Variants in CDYL2 observed in about 807,000 individuals in gnomAD.
The protein encoded by CDYL2 is chromodomain Y like 2, also known as chromodomain Y-like protein 2.
In CDYL2, 23 loss-of-function variants were observed where a neutral mutation model predicts 49.4. The ratio of observed to expected loss-of-function variants is 0.47; its 90% CI spans 0.34 to 0.66. The LOEUF is 0.66. CDYL2 is among the 30% of genes least tolerant of loss of function. CDYL2 has a pLI of 0.01. For missense variants in CDYL2, 678 were observed against 656.4 expected, an observed-to-expected ratio of 1.03 and a Z score of -0.36; for synonymous variants, 360 against 268.8, an observed-to-expected ratio of 1.34 and a Z score of -3.32.
In CDYL2 at chr16:80,769,781, G is replaced by A. The variant is rs183651436; in HGVS notation, c.24+34369C>T. Among the ~76,000 whole-genome samples, 1,303 of 152,246 alleles carry A rather than the reference G, an allele frequency of 8.6e-3. 6 individuals carry two copies. The highest frequency in any genetic ancestry group is 0.014 in the Non-Finnish European group (974 of 68,026). On this transcript the variant is annotated intron_variant, in intron 1 of 6. Transcript: ENST00000570137. Reference sequence around the variant, plus strand: ...TAACAATAATAAGGTATTTGCATAGGTGAAATTAAAGAGATTAAACTGAAA... The same window carrying A: ...TAACAATAATAAGGTATTTGCATAGATGAAATTAAAGAGATTAAACTGAAA...
chr16:80,723,060 C>A (rs570604991), intron 1 of CDYL2, among the ~76,000 whole-genome samples: 1 of 152,354 alleles, frequency 6.6e-6, no homozygotes, highest in African/African-American at 2.4e-5. Flanking sequence ...CCACACTCGG[C>A]AGGGCGCTTT....
At chr16:80,606,462 C>A (rs996756159) in intron 6 of CDYL2, among the ~76,000 whole-genome samples, 1 of 152,148 alleles carries the variant, frequency 6.6e-6, no homozygotes, top group African/African-American at 2.4e-5. Context: ...AGTCTCCCAC[C>A]CTCCTTTTCA....
At chr16:80,620,629 T>G (rs4888101) in intron 4 of CDYL2, 134 bp downstream of exon 4, 179,403 of 677,418 alleles carry the variant, frequency 0.26, 25,448 homozygotes, top group Admixed American at 0.42. Context: ...AGACCTCGAG[T>G]ATTGCACAGG....
intron 2 of CDYL2, among the ~76,000 whole-genome samples, chr16:80,641,452 A>G (rs1908081799): frequency 6.6e-6 from 1 of 152,154 alleles, no homozygotes; most frequent in Admixed American, 6.5e-5. Context: ...AAGCTGAGAA[A>G]TTTTATCAAC....
At chr16:80,756,578 G>A (rs2142377799) in intron 1 of CDYL2, among the ~76,000 whole-genome samples, 1 of 152,090 alleles carries the variant, frequency 6.6e-6, no homozygotes, top group East Asian at 1.9e-4. Context: ...TGAAAAGGCT[G>A]TTAAGAATGA....
At chr16:80,667,235 T>C (rs956090696) in intron 2 of CDYL2, among the ~76,000 whole-genome samples, 3 of 152,070 alleles carry the variant, frequency 2.0e-5, no homozygotes, top group African/African-American at 7.2e-5. Flanking sequence ...TGGGCTTCCA[T>C]CTATCTGGTT....
At chr16:80,727,638 G>A (rs1259962940) in intron 1 of CDYL2, among the ~76,000 whole-genome samples, 2 of 152,230 alleles carry the variant, frequency 1.3e-5, no homozygotes, top group Non-Finnish European at 2.9e-5. Flanking sequence ...CTCCACCTCT[G>A]GGGGCAGGGC....
intron 2 of CDYL2, among the ~76,000 whole-genome samples, chr16:80,677,987 C>A (rs1371651925): frequency 2.0e-5 from 3 of 151,698 alleles, no homozygotes; most frequent in Non-Finnish European, 4.4e-5. Flanking sequence ...CTTTGACAAA[C>A]CTGAGAAAAA....
At chr16:80,794,496 A>C (rs1444371339) in intron 1 of CDYL2, among the ~76,000 whole-genome samples, 2 of 152,094 alleles carry the variant, frequency 1.3e-5, no homozygotes, top group Admixed American at 6.5e-5. Flanking sequence ...AGGAACTGAC[A>C]TGGCTGCACC....
chr16:80,638,681 G>A (rs13330445), intron 2 of CDYL2, among the ~76,000 whole-genome samples: 8,592 of 151,940 alleles, frequency 0.057, 756 homozygotes, highest in African/African-American at 0.19. Flanking sequence ...GCAATATACC[G>A]AGGTGATCTT....
chr16:80,724,506 G>A (rs1335696142), intron 1 of CDYL2, among the ~76,000 whole-genome samples: 3 of 152,136 alleles, frequency 2.0e-5, no homozygotes. Flanking sequence ...CCTTGTCATA[G>A]TTCATGAAGA....
chr16:80,733,613 T>C (rs1905411200), intron 1 of CDYL2, among the ~76,000 whole-genome samples: 1 of 152,160 alleles, frequency 6.6e-6, no homozygotes, highest in Admixed American at 6.5e-5. Flanking sequence ...ATGAAGTATC[T>C]TGGATGTGCC....
intron 1 of CDYL2, among the ~76,000 whole-genome samples, chr16:80,786,408 A>G (rs551276525): frequency 2.0e-4 from 30 of 152,336 alleles, no homozygotes; most frequent in Admixed American, 3.3e-4. Context: ...TCAAAACCAC[A>G]ATGAGATACC....
At chr16:80,660,950 G>A (rs527400154) in intron 2 of CDYL2, among the ~76,000 whole-genome samples, 2 of 152,194 alleles carry the variant, frequency 1.3e-5, no homozygotes, top group African/African-American at 4.8e-5. Context: ...CTGCCCCTGA[G>A]CTAGGGGTAA....
chr16:80,702,874 T>G (rs183599529), intron 1 of CDYL2, among the ~76,000 whole-genome samples: 104 of 152,262 alleles, frequency 6.8e-4, no homozygotes, highest in African/African-American at 2.5e-3. Flanking sequence ...GGACTTTCCA[T>G]CCCAGCTGCA....
At chr16:80,711,998 T>C (rs1292066782) in intron 1 of CDYL2, among the ~76,000 whole-genome samples, 1 of 150,110 alleles carries the variant, frequency 6.7e-6, no homozygotes, top group African/African-American at 2.5e-5. Flanking sequence ...TATGTATATA[T>C]ATGTGTGTAT....
chr16:80,611,457 G>C (rs1177677785), intron 5 of CDYL2, among the ~76,000 whole-genome samples: 2 of 152,108 alleles, frequency 1.3e-5, no homozygotes, highest in African/African-American at 2.4e-5. Context: ...AGTCCACAGG[G>C]GAGGAGCCGT....
chr16:80,753,187 C>G (rs184420195), intron 1 of CDYL2, among the ~76,000 whole-genome samples: 36 of 150,634 alleles, frequency 2.4e-4, no homozygotes, highest in African/African-American at 8.3e-4. Flanking sequence ...CATAAATGGT[C>G]AATAATTTAT....
At chr16:80,608,829 A>G (rs1403768104) in intron 5 of CDYL2, among the ~76,000 whole-genome samples, 1 of 152,192 alleles carries the variant, frequency 6.6e-6, no homozygotes, top group Non-Finnish European at 1.5e-5. Context: ...AGAAAGAGAG[A>G]GAGACCTGAT....
Sources: allele counts gnomAD v4.1 joint callset (sites outside exome capture counted in the v4.1 genomes callset), GRCh38; gene constraint gnomAD v4.1.1; transcripts MANE v1.5; gene names NCBI Gene and HGNC (gene_info 2026-07-23, HGNC 2026-07-21).